The following WIPI1 variants were observed in gnomAD, a reference collection of about 807,000 sequenced individuals.
The protein encoded by WIPI1 is WD repeat domain, phosphoinositide interacting 1, also known as WD repeat domain phosphoinositide-interacting protein 1.
A neutral mutation model predicts 55.3 loss-of-function variants in WIPI1; 45 were observed. That is an observed-to-expected ratio of 0.81 (90% CI 0.64 to 1.04). The LOEUF (loss-of-function observed/expected upper bound fraction) is 1.04, where lower values mean the gene tolerates loss of function less well. Among genes scored for constraint, WIPI1 ranks in the 50% least tolerant of loss-of-function variants. The pLI, the probability that WIPI1 is intolerant of heterozygous loss-of-function variation, is 0.00. For synonymous variants in WIPI1, 195 were observed against 217.6 expected (o/e 0.90, Z 0.92); for missense variants, 445 against 559.0 (o/e 0.80, Z 2.06).
At chr17:68,452,349 A>G (rs1808335) in intron 2 of WIPI1, among the ~76,000 whole-genome samples, 115,538 of 152,146 alleles carry the variant, frequency 0.76, 44,105 homozygotes, top group Middle Eastern at 0.8. Context: ...CAGATAACTC[A>G]AAGTCAGGAG....
At chr17:68,422,722 C>G (rs949773301) in intron 12 of WIPI1, 22 of 101,314 alleles carry the variant, frequency 2.2e-4, no homozygotes, top group Non-Finnish European at 4.0e-4. Flanking sequence ...GAGTGAGACT[C>G]TATCATCTCA....
chr17:68,428,257 G>T (rs1053114652), intron 10 of WIPI1: 5 of 151,086 alleles, frequency 3.3e-5, no homozygotes, highest in Non-Finnish European at 7.3e-5. Context: ...TTGAGACAGG[G>T]TCTCACTCTG....
rs2083237410 is a variant in WIPI1, at chr17:68,426,996, G to T, written c.1192+139C>A. The stretch of plus-strand genomic sequence containing the variant: ...TTCAAGGAGAGCACTCCACCCCCAG[G>T]TAACAGTGAAGGGGGAAGGGGAGGG... On this transcript the variant is annotated intron_variant, in intron 11 of 12. Coordinates refer to ENST00000262139, the MANE Select transcript of WIPI1 (RefSeq NM_017983.7). The T allele has an allele frequency of 8.6e-6, 6 of 694,818 alleles. No homozygotes were observed. The South Asian group carries it at 1.1e-4, about 12-fold the overall frequency. 43.0% of individuals were successfully genotyped at this position (694,818 alleles called of 1,614,324 possible).
At chr17:68,437,010 A>ATGTGTGTGTGTG (rs758693659) in intron 4 of WIPI1, among the ~76,000 whole-genome samples, 1,879 of 77,878 alleles carry the variant, frequency 0.024, 27 homozygotes, top group Non-Finnish European at 0.035. Flanking sequence ...AAAAAAATAT[A>ATGTGTGTGTGTG]TATATATGTG....
chr17:68,430,182 A>G (rs772112429), intron 8 of WIPI1, 22 bp from the exon 9 acceptor site: 2 of 1,602,008 alleles, frequency 1.2e-6, no homozygotes, highest in Non-Finnish European at 1.7e-6. Flanking sequence ...TGCACAGGCA[A>G]CGATGGGACT....
Position 68,457,370 on chromosome 17 carries a change from T to C in WIPI1, c.52A>G (p.Ser18Gly). Reference sequence around the variant, plus strand: ...CAGTCCTGGTTGAAAGAGAAGCAGCTGAGCGCCGACTCAACCCCGCCCGGG... The same window carrying C: ...CAGTCCTGGTTGAAAGAGAAGCAGCCGAGCGCCGACTCAACCCCGCCCGGG... Reference protein sequence around the residue: ...APPGGVESALSCFSFNQDCTS... With the variant: ...APPGGVESALGCFSFNQDCTS... Residue 18 changes from serine (S) to glycine (G), a missense_variant, in exon 1 of 13, where the codon AGC becomes GGC. Transcript: ENST00000262139. The C allele has an allele frequency of 6.5e-7, 1 of 1,542,474 alleles. No homozygotes were observed. The highest frequency in any genetic ancestry group is 8.7e-7 in the Non-Finnish European group (1 of 1,145,080).
At chr17:68,445,793 T>C (rs1046101803) in intron 3 of WIPI1, among the ~76,000 whole-genome samples, 5 of 152,216 alleles carry the variant, frequency 3.3e-5, no homozygotes, top group African/African-American at 4.8e-5. Flanking sequence ...GGGCAGCTCC[T>C]CGCACATCTG....
rs989572008 is a variant in WIPI1, at chr17:68,421,902, A to T, written c.1294-82T>A. The T allele has an allele frequency of 7.6e-6, 12 of 1,572,850 alleles. 1 individual carries two copies. The Admixed American group carries it at 1.7e-4, about 22-fold the overall frequency. On this transcript the variant is annotated intron_variant, in intron 12 of 12. Coordinates refer to ENST00000262139, the MANE Select transcript of WIPI1 (RefSeq NM_017983.7). The stretch of plus-strand genomic sequence containing the variant: ...GTGCATTATCAACAGGTCTGTGCCC[A>T]TGCAGAGTGAGCAGGGAGAGGCTGG...
chr17:68,449,356 G>A (rs181159352), intron 3 of WIPI1, among the ~76,000 whole-genome samples: 90 of 152,346 alleles, frequency 5.9e-4, no homozygotes, highest in East Asian at 4.4e-3. Context: ...TTGGCCAAGC[G>A]TGGTGGCTCA....
intron 4 of WIPI1, among the ~76,000 whole-genome samples, chr17:68,443,753 G>C (rs1454816999): frequency 6.6e-6 from 1 of 152,214 alleles, no homozygotes; most frequent in Non-Finnish European, 1.5e-5. Flanking sequence ...AATAGAAGCA[G>C]TTGTTCAATG....
In WIPI1 at chr17:68,435,235, A is replaced by G. The variant is rs540444036; in HGVS notation, c.621+385T>C. Among the ~76,000 whole-genome samples, 318 of 151,754 alleles carry G rather than the reference A, an allele frequency of 2.1e-3. 1 individual carries two copies. Among genetic ancestry groups the G allele is most frequent in the Non-Finnish European group, 3.5e-3 (235 of 67,942 alleles). On this transcript the variant is annotated intron_variant, in intron 6 of 12. Coordinates refer to ENST00000262139, the MANE Select transcript of WIPI1 (RefSeq NM_017983.7). The stretch of plus-strand genomic sequence containing the variant: ...AAAAAAAAAAAAATTCAATTGGATC[A>G]CTTTCTCTGATTATTCCAGGCAGAA...
intron 3 of WIPI1, among the ~76,000 whole-genome samples, chr17:68,446,641 C>T (rs1212959776): frequency 1.3e-5 from 2 of 152,162 alleles, no homozygotes; most frequent in East Asian, 3.8e-4. Flanking sequence ...CAGCACATGC[C>T]GTGGTTAGAA....
At chr17:68,445,344 A>G (rs1051088402) in intron 3 of WIPI1, among the ~76,000 whole-genome samples, 2 of 152,152 alleles carry the variant, frequency 1.3e-5, no homozygotes, top group Admixed American at 6.5e-5. Context: ...TCTCCCTCCT[A>G]TATAAAAATG....
Position 68,444,558 on chromosome 17 carries a change from TA to T in WIPI1, c.364del (p.Tyr122IlefsTer8). The T allele has an allele frequency of 6.2e-7, 1 of 1,614,112 alleles. No individual in the cohort carries two copies. Among genetic ancestry groups the T allele is most frequent in the Non-Finnish European group, 8.5e-7 (1 of 1,180,012 alleles). ...RLLVCLEESI[Y>X]IHNIKDMKLL... is the part of the protein sequence containing the mutation. The stretch of plus-strand genomic sequence containing the variant: ...CTTCATGTCTTTAATGTTGTGAATA[TA>T]AATGGACTCTTCTAGGCAAACCAGC... On this transcript the variant is annotated frameshift_variant, in exon 4 of 13. Transcript: ENST00000262139. LOFTEE classifies it high-confidence loss of function.
At chr17:68,436,993 CAAAAAA>C (rs139267277) in intron 4 of WIPI1, among the ~76,000 whole-genome samples, 109 of 124,762 alleles carry the variant, frequency 8.7e-4, no homozygotes, top group African/African-American at 1.4e-3. Flanking sequence ...GACCCCGTCT[CAAAAAA>C]AAAAAAATAT....
In WIPI1 at chr17:68,434,640, C is replaced by G. The variant is rs373854174; in HGVS notation, c.622-14G>C. The G allele has an allele frequency of 4.8e-5, 77 of 1,613,506 alleles. No homozygotes were observed. In the African/African-American group the frequency reaches 7.2e-4, roughly 15 times the overall value. On this transcript the variant is annotated splice_polypyrimidine_tract_variant and intron_variant, in intron 6 of 12. Transcript: ENST00000262139. ...GATGACTGTGCCCTGGAAAAGAAAG[C>G]AGGTGGACATTTCATAACCATTAGT...
At chr17:68,446,836 T>C (rs1374250344) in intron 3 of WIPI1, among the ~76,000 whole-genome samples, 1 of 152,210 alleles carries the variant, frequency 6.6e-6, no homozygotes, top group African/African-American at 2.4e-5. Flanking sequence ...TGGCACCATC[T>C]GCTCTGCGGC....
chr17:68,440,874 G>A (rs1184008075), intron 4 of WIPI1: 1 of 152,238 alleles, frequency 6.6e-6, no homozygotes, highest in Non-Finnish European at 1.5e-5. Flanking sequence ...GTTGATTAAT[G>A]TCTCAGGTTA....
At chr17:68,425,989 A>G in intron 12 of WIPI1, 86 bp downstream of exon 12, 2 of 1,026,422 alleles carry the variant, frequency 1.9e-6, no homozygotes, top group Non-Finnish European at 3.0e-6. Context: ...GAAAACAGGG[A>G]AAGGGACTCT....
Sources: gnomAD v4.1 joint callset for allele counts (sites outside exome capture counted in the v4.1 genomes callset) on GRCh38, gnomAD v4.1.1 for gene constraint, MANE v1.5 for transcripts, NCBI Gene and HGNC (gene_info 2026-07-23, HGNC 2026-07-21) for gene names.